The following TMEFF2 variants were observed in gnomAD, a reference collection of about 807,000 sequenced individuals.
TMEFF2 encodes tomoregulin-2.
Under a neutral mutation model 53.8 loss-of-function variants are expected in TMEFF2, and 28 were observed. The ratio of observed to expected loss-of-function variants is 0.52; its 90% CI spans 0.39 to 0.71. The LOEUF (loss-of-function observed/expected upper bound fraction) is 0.71. TMEFF2 is among the 30% of genes least tolerant of loss of function. The pLI is 0.00. For missense variants in TMEFF2, 353 were observed against 455.2 expected (o/e 0.78, Z 2.04); for synonymous variants, 162 against 166.3 (o/e 0.97, Z 0.20).
At chr2:192,042,538 C>T (rs943983675) in intron 5 of TMEFF2, among the ~76,000 whole-genome samples, 6 of 152,156 alleles carry the variant, frequency 3.9e-5, no homozygotes, top group African/African-American at 9.6e-5. Flanking sequence ...CTAACTTATA[C>T]AAAAATCCCA....
rs185104478 is a variant in TMEFF2 at position 192,077,070 on chromosome 2, G to A, written c.440-19295C>T. ...ATGTGTCACTGTGCTGATGAGTAGG[G>A]TTACAATGCTTGAGACAGATAGATA... On this transcript the variant is annotated intron_variant, in intron 4 of 9. Coordinates refer to ENST00000272771, the MANE Select transcript of TMEFF2 (RefSeq NM_016192.4). Among the ~76,000 whole-genome samples, 161 of 152,266 alleles carry A rather than the reference G, an allele frequency of 1.1e-3. 1 individual carries two copies. Among genetic ancestry groups the A allele is most frequent in the Middle Eastern group, 6.8e-3 (2 of 294 alleles).
intron 3 of TMEFF2, among the ~76,000 whole-genome samples, chr2:192,183,970 T>C (rs1268377686): frequency 6.6e-6 from 1 of 152,128 alleles, no homozygotes; most frequent in East Asian, 1.9e-4. Flanking sequence ...CAGCAGATAA[T>C]GCTATTGTTC....
rs34696715 is a variant in TMEFF2 at position 192,015,308 on chromosome 2, C to CTTTTTTT, written c.537-16107_537-16101dup. Among the ~76,000 whole-genome samples, 40 of 76,276 alleles carry CTTTTTTT rather than the reference C, an allele frequency of 5.2e-4. 1 individual carries two copies. The highest frequency in any genetic ancestry group is 1.3e-3 in the East Asian group (3 of 2,364). 50.0% of individuals were successfully genotyped at this position (76,276 alleles called of 152,430 possible). ...GGCATTCTAGAGGCTATCACTGAAG[C>CTTTTTTT]TTTTTTTTTTTTTTTTTTTTTTTTG... On this transcript the variant is annotated intron_variant, in intron 5 of 9. Transcript: ENST00000272771.
intron 4 of TMEFF2, among the ~76,000 whole-genome samples, chr2:192,157,192 A>T (rs889148909): frequency 3.3e-5 from 5 of 152,050 alleles, no homozygotes; most frequent in African/African-American, 1.2e-4. Context: ...TTCAAACCCA[A>T]ATATGGTATA....
At chr2:191,971,601 A>C (rs547566434) in intron 7 of TMEFF2, among the ~76,000 whole-genome samples, 21 of 152,268 alleles carry the variant, frequency 1.4e-4, no homozygotes, top group Non-Finnish European at 2.8e-4. Flanking sequence ...AAGGTAACAA[A>C]CATGTTTTCT....
At chr2:192,035,474 A>T (rs1406851989) in intron 5 of TMEFF2, 1 of 152,190 alleles carries the variant, frequency 6.6e-6, no homozygotes, top group East Asian at 1.9e-4. Flanking sequence ...TTTTAATTAA[A>T]CAAATGGAAG....
chr2:192,071,555 G>A lies in TMEFF2; in HGVS notation c.440-13780C>T, dbSNP rs12615881. 1.2e-4 allele frequency among the ~76,000 whole-genome samples: 18 copies of A among 151,824 alleles called. No individual in the cohort carries two copies. The East Asian group carries it at 1.8e-3, about 15-fold the overall frequency. ...ATTGGTTACCCTAAAAAAGAGTACC[G>A]TCATCTCTCAGTGTCTGCGAGGGAT... On this transcript the variant is annotated intron_variant, in intron 4 of 9. Transcript: ENST00000272771.
At chr2:192,148,489 G>A (rs1690306736) in intron 4 of TMEFF2, among the ~76,000 whole-genome samples, 1 of 151,942 alleles carries the variant, frequency 6.6e-6, no homozygotes, top group Non-Finnish European at 1.5e-5. Flanking sequence ...TTTGACAACT[G>A]AAGAACATCT....
At chr2:191,976,415 G>T (rs992239472) in intron 7 of TMEFF2, among the ~76,000 whole-genome samples, 2 of 152,162 alleles carry the variant, frequency 1.3e-5, no homozygotes, top group Non-Finnish European at 2.9e-5. Flanking sequence ...CGAATAAAAA[G>T]GAACCATTGA....
chr2:192,148,149 C>T (rs1690299940), intron 4 of TMEFF2, among the ~76,000 whole-genome samples: 1 of 152,002 alleles, frequency 6.6e-6, no homozygotes, highest in Admixed American at 6.6e-5. Flanking sequence ...ACAAGCTCCA[C>T]TAACCTTTCT....
intron 7 of TMEFF2, among the ~76,000 whole-genome samples, chr2:191,961,612 C>T (rs540273961): frequency 6.6e-6 from 1 of 152,158 alleles, no homozygotes; most frequent in African/African-American, 2.4e-5. Context: ...TACATTGTGC[C>T]TGGGACAGAA....
At position 192,000,516 on chromosome 2, in the gene TMEFF2, A is replaced by G. The variant is rs373102881; in HGVS notation, c.537-1308T>C. Among the ~76,000 whole-genome samples, 53 of 152,254 alleles carry G rather than the reference A, an allele frequency of 3.5e-4. 2 individuals are homozygous for G. In the East Asian group the frequency reaches 4.3e-3, roughly 12 times the overall value. On this transcript the variant is annotated intron_variant, in intron 5 of 9. Transcript: ENST00000272771. ...AATCTCCTGGAGAACTTTTAAGTAT[A>G]CAGATTCATAAGCAGATTTCTGGGC...
chr2:191,953,883 A>AC, intron 8 of TMEFF2, 46 bp from the exon 9 acceptor site: 1 of 607,964 alleles, frequency 1.6e-6, no homozygotes, highest in South Asian at 3.3e-5. Flanking sequence ...TGCTGCATTC[A>AC]TTTTTTTTTT....
At chr2:192,127,423 C>T (rs1015642866) in intron 4 of TMEFF2, among the ~76,000 whole-genome samples, 2 of 152,160 alleles carry the variant, frequency 1.3e-5, no homozygotes, top group African/African-American at 2.4e-5. Flanking sequence ...GTTACCCTTC[C>T]TGCCTTCTCT....
chr2:192,170,232 G>A (rs1559155736), intron 4 of TMEFF2, among the ~76,000 whole-genome samples: 1 of 151,984 alleles, frequency 6.6e-6, no homozygotes, highest in East Asian at 1.9e-4. Context: ...TCCTTTCAAC[G>A]AGTTGCCACC....
intron 4 of TMEFF2, among the ~76,000 whole-genome samples, chr2:192,116,749 G>A (rs1689422782): frequency 6.6e-6 from 1 of 152,032 alleles, no homozygotes; most frequent in Non-Finnish European, 1.5e-5. Flanking sequence ...TGAGACCTAT[G>A]TATTAGAAAT....
intron 4 of TMEFF2, among the ~76,000 whole-genome samples, chr2:192,169,974 C>A (rs1191864673): frequency 1.3e-5 from 1 of 79,968 alleles, no homozygotes; most frequent in African/African-American, 5.3e-5. Flanking sequence ...ATTTAAGATG[C>A]ACTATTTAAC....
At chr2:192,053,787 A>G (rs570873143) in intron 5 of TMEFF2, among the ~76,000 whole-genome samples, 2 of 152,220 alleles carry the variant, frequency 1.3e-5, no homozygotes, top group South Asian at 4.1e-4. Flanking sequence ...ATTGCTTCCT[A>G]TCTTACTTTA....
intron 5 of TMEFF2, among the ~76,000 whole-genome samples, chr2:192,017,500 C>A (rs1198119825): frequency 6.6e-6 from 1 of 152,106 alleles, no homozygotes; most frequent in Non-Finnish European, 1.5e-5. Flanking sequence ...TCTCATTATG[C>A]CTTTTGGCAG....
Sources: allele counts gnomAD v4.1 joint callset (sites outside exome capture counted in the v4.1 genomes callset), GRCh38; gene constraint gnomAD v4.1.1; transcripts MANE v1.5; gene names NCBI Gene and HGNC (gene_info 2026-07-23, HGNC 2026-07-21).